Variants in SUMF1 observed in about 807,000 individuals in gnomAD.
SUMF1 encodes sulfatase modifying factor 1.
Under a neutral mutation model 47.6 loss-of-function variants are expected in SUMF1, and 48 were observed. The ratio of observed to expected loss-of-function variants is 1.01; its 90% CI spans 0.80 to 1.28. The LOEUF is 1.28. SUMF1 is among the 50% of genes most tolerant of loss of function. SUMF1 has a pLI of 0.00. For missense variants in SUMF1, 571 were observed against 485.4 expected (o/e 1.18, Z -1.66); for synonymous variants, 230 against 192.1 (o/e 1.20, Z -1.63).
In SUMF1 at chr3:4,462,433, C is replaced by T. The variant is rs115343145; in HGVS notation, c.270+4543G>A. Among the ~76,000 whole-genome samples, 366 of 152,286 alleles carry T rather than the reference C, an allele frequency of 2.4e-3. 1 individual carries two copies. The highest frequency in any genetic ancestry group is 8.5e-3 in the African/African-American group (355 of 41,540). ...AAGAGAAAGGCCTTGGAGATGCTGC[C>T]TGAGGCCCTGTATCCAGGTGTGTCT... On this transcript the variant is annotated intron_variant, in intron 1 of 8. Transcript: ENST00000272902.
Position 4,376,352 on chromosome 3 carries a change from C to A in SUMF1, c.992G>T (p.Gly331Val). The A allele has an allele frequency of 6.2e-7, 1 of 1,614,196 alleles. No individual in the cohort carries two copies. Among genetic ancestry groups the A allele is most frequent in the Non-Finnish European group, 8.5e-7 (1 of 1,180,006 alleles). Reference sequence around the variant, plus strand: ...TACCCTATGGCACATGTAGGATCCACCTTTCTTCACTCGGTCTTTCCCAGA... The same window carrying A: ...TACCCTATGGCACATGTAGGATCCAACTTTCTTCACTCGGTCTTTCCCAGA... ...PPSGKDRVKK[G>V]GSYMCHRSYC... is the part of the protein sequence containing the mutation. The change falls in exon 8 of 9, where the codon GGT becomes GTT. Residue 331 changes from glycine (G) to valine (V), a missense_variant. Coordinates refer to ENST00000272902, the MANE Select transcript of SUMF1 (RefSeq NM_182760.4).
chr3:4,192,634 C>T (rs544207629), intron 8 of SUMF1, among the ~76,000 whole-genome samples: 7 of 152,180 alleles, frequency 4.6e-5, no homozygotes, highest in East Asian at 1.9e-4. Flanking sequence ...GTCTTTGTTA[C>T]TCTTGATAGG....
intron 8 of SUMF1, among the ~76,000 whole-genome samples, chr3:4,109,044 T>A (rs563117268): frequency 4.4e-4 from 67 of 152,248 alleles, no homozygotes; most frequent in Non-Finnish European, 8.5e-4. Context: ...ATTTGGCATG[T>A]TTTTGCAGTG....
chr3:4,424,784 G>GA (rs1470466856), intron 3 of SUMF1, among the ~76,000 whole-genome samples: 1 of 152,078 alleles, frequency 6.6e-6, no homozygotes, highest in African/African-American at 2.4e-5. Context: ...GTATCATCAG[G>GA]AAAAAAATGT....
chr3:4,259,708 A>C (rs1046003713), intron 8 of SUMF1, among the ~76,000 whole-genome samples: 1 of 152,212 alleles, frequency 6.6e-6, no homozygotes. Context: ...CCTAGAGCTC[A>C]GTAGTGAAAG....
intron 8 of SUMF1, among the ~76,000 whole-genome samples, chr3:4,084,694 A>C (rs1034392266): frequency 1.3e-5 from 2 of 152,234 alleles, no homozygotes; most frequent in East Asian, 3.9e-4. Context: ...TAGCAATATT[A>C]CTTTGTAAAT....
At chr3:4,071,025 C>T (rs1239894627) in intron 8 of SUMF1, among the ~76,000 whole-genome samples, 3 of 151,912 alleles carry the variant, frequency 2.0e-5, no homozygotes, top group Non-Finnish European at 4.4e-5. Flanking sequence ...GTTGATTTAG[C>T]TTTGTGTAGT....
intron 8 of SUMF1, among the ~76,000 whole-genome samples, chr3:4,206,705 T>G (rs1236870427): frequency 2.0e-5 from 3 of 152,106 alleles, no homozygotes; most frequent in African/African-American, 7.2e-5. Context: ...TGGGGGTGCT[T>G]TCTTTTGTCA....
Position 4,164,638 on chromosome 3 carries a change from G to A in SUMF1, c.1015-95893C>T, listed in dbSNP as rs570323833. ...AACCACCAAGGTTTGTTTGTCTGAG[G>A]GCCATGACTAAGGCTGCAGCCTTTC... On this transcript the variant is annotated intron_variant and NMD_transcript_variant, in intron 8 of 12. Transcript: ENST00000448413. Among the ~76,000 whole-genome samples the A allele has an allele frequency of 4.7e-4, 71 of 152,194 alleles. 1 individual carries two copies. The highest frequency in any genetic ancestry group is 1.6e-3 in the African/African-American group (68 of 41,516).
intron 8 of SUMF1, among the ~76,000 whole-genome samples, chr3:4,281,175 TG>T (rs1029275589): frequency 4.6e-5 from 7 of 152,086 alleles, no homozygotes; most frequent in African/African-American, 1.7e-4. Context: ...GAGTATAACA[TG>T]CCCTTTGACG....
intron 8 of SUMF1, among the ~76,000 whole-genome samples, chr3:4,259,734 C>G (rs1421755674): frequency 8.6e-5 from 13 of 152,038 alleles, no homozygotes; most frequent in African/African-American, 2.7e-4. Flanking sequence ...AGCCTAATGG[C>G]AAAAGGCAAT....
At chr3:4,221,196 A>T (rs1413793254) in intron 8 of SUMF1, among the ~76,000 whole-genome samples, 2 of 152,174 alleles carry the variant, frequency 1.3e-5, no homozygotes, top group Non-Finnish European at 2.9e-5. Flanking sequence ...ACTCACCAAG[A>T]AACATGTGCT....
At chr3:4,179,999 A>G (rs76220819) in intron 8 of SUMF1, among the ~76,000 whole-genome samples, 51,342 of 152,016 alleles carry the variant, frequency 0.34, 8,813 homozygotes, top group East Asian at 0.4. Flanking sequence ...ATGAGATACC[A>G]TCTCACACCA....
At chr3:4,364,179 A>C (rs1039201577) in intron 8 of SUMF1, among the ~76,000 whole-genome samples, 1 of 142,204 alleles carries the variant, frequency 7.0e-6, no homozygotes, top group African/African-American at 2.5e-5. Flanking sequence ...ATTGGTCTAA[A>C]ATTCTCTTTC....
chr3:4,444,450 T>A (rs190658698), intron 3 of SUMF1, among the ~76,000 whole-genome samples: 48 of 152,328 alleles, frequency 3.2e-4, no homozygotes, highest in African/African-American at 1.1e-3. Flanking sequence ...AATGGACATA[T>A]GTTTCAATAA....
Position 4,074,962 on chromosome 3 carries a change from G to T in SUMF1, c.1015-6217C>A, listed in dbSNP as rs141144234. 6.4e-3 allele frequency among the ~76,000 whole-genome samples: 967 copies of T among 152,136 alleles called. 10 individuals are homozygous for T. Among genetic ancestry groups the T allele is most frequent in the African/African-American group, 0.022 (919 of 41,480 alleles). On this transcript the variant is annotated intron_variant and NMD_transcript_variant, in intron 8 of 12. Transcript: ENST00000448413. ...CCTTCTGAAACTATTCCAATGAATA[G>T]AAAAAGAGGGAATCCTCCCTAACTC... is the stretch of plus-strand genomic sequence containing the variant.
At chr3:4,380,315 G>A (rs984857511) in intron 7 of SUMF1, among the ~76,000 whole-genome samples, 2 of 152,122 alleles carry the variant, frequency 1.3e-5, no homozygotes, top group African/African-American at 2.4e-5. Context: ...GTGAATTAAC[G>A]CAGGAACAGA....
intron 8 of SUMF1, among the ~76,000 whole-genome samples, chr3:4,170,591 G>C (rs1040510153): frequency 6.6e-6 from 1 of 152,144 alleles, no homozygotes; most frequent in Admixed American, 6.5e-5. Context: ...TTCCTAGTAA[G>C]CAACAGTAAT....
In SUMF1 at chr3:4,128,947, C is replaced by T. The variant is rs567711822; in HGVS notation, c.1015-60202G>A. On this transcript the variant is annotated intron_variant and NMD_transcript_variant, in intron 8 of 12. Coordinates refer to the SUMF1 transcript ENST00000448413. The stretch of plus-strand genomic sequence containing the variant: ...GAAATATGGATTGAAAGATGACCTA[C>T]TGTGAGTGAATTGGGAATGCCTGAT... 3.3e-5 allele frequency among the ~76,000 whole-genome samples: 5 copies of T among 152,154 alleles called. No homozygotes were observed. In the South Asian group the frequency reaches 1.0e-3, roughly 32 times the overall value.
Sources: gnomAD v4.1 joint callset for allele counts (sites outside exome capture counted in the v4.1 genomes callset) on GRCh38, gnomAD v4.1.1 for gene constraint, MANE v1.5 for transcripts, NCBI Gene and HGNC (gene_info 2026-07-23, HGNC 2026-07-21) for gene names.